Variants in SART3 observed in about 807,000 individuals in gnomAD.
The protein encoded by SART3 is spliceosome associated factor 3, U4/U6 recycling protein, also known as HIV-1 Tat-interacting protein of 110kDa.
Under a neutral mutation model 122.3 loss-of-function variants are expected in SART3, and 44 were observed. That is an observed-to-expected ratio of 0.36 (90% confidence interval 0.28 to 0.46). The LOEUF (loss-of-function observed/expected upper bound fraction) is 0.46, where lower values mean the gene tolerates loss of function less well. Among genes scored for constraint, SART3 ranks in the 20% least tolerant of loss-of-function variants. The probability of loss-of-function intolerance (pLI) is 1.00; values close to 1 mark genes in which losing one functional copy is unlikely to be tolerated. For synonymous variants in SART3, 442 were observed against 454.0 expected (o/e 0.97, Z 0.34); for missense variants, 1,101 against 1,229.0 (o/e 0.90, Z 1.56).
intron 12 of SART3, 57 bp downstream of exon 12, chr12:108,535,302 G>A (rs778320201): frequency 7.2e-7 from 1 of 1,390,500 alleles, no homozygotes; most frequent in African/African-American, 1.4e-5. Flanking sequence ...AGCCAGGAGT[G>A]AAGACAGGTG....
intron 7 of SART3, 102 bp from the exon 8 acceptor site, chr12:108,538,305 T>C: frequency 7.4e-7 from 1 of 1,360,130 alleles, no homozygotes; most frequent in South Asian, 1.2e-5. Flanking sequence ...AATGTCCTTA[T>C]AAACATCTCT....
At chr12:108,537,404 T>A (rs765260106) in intron 9 of SART3, 84 bp downstream of exon 9, 17 of 1,004,450 alleles carry the variant, frequency 1.7e-5, no homozygotes, top group Non-Finnish European at 2.5e-5. Context: ...CCAATCACAA[T>A]GTATCTGGGG....
In SART3 at chr12:108,530,853, G is replaced by A. The variant is rs151049970; in HGVS notation, c.1746+351C>T. Among the ~76,000 whole-genome samples, 235 of 146,698 alleles carry A rather than the reference G, an allele frequency of 1.6e-3. 1 individual carries two copies. In the Middle Eastern group the frequency reaches 0.027, roughly 17 times the overall value. ...AGCCTGGGCAACAGAGCGAGACTCCGTCTCAAAAAAAAAAAAATCCATAAA... is the reference window on the plus strand; with the variant it reads ...AGCCTGGGCAACAGAGCGAGACTCCATCTCAAAAAAAAAAAAATCCATAAA... On this transcript the variant is annotated intron_variant, in intron 14 of 18. Transcript: ENST00000546815.
At chr12:108,544,932 C>T (rs915190899) in intron 4 of SART3, 10 of 631,070 alleles carry the variant, frequency 1.6e-5, no homozygotes, top group South Asian at 5.7e-5. Flanking sequence ...AAAATTTATA[C>T]GACCTCTTCC....
At chr12:108,549,459 T>C in intron 1 of SART3, 1 of 476,130 alleles carries the variant, frequency 2.1e-6, no homozygotes, top group Admixed American at 3.5e-5. Context: ...ATTTGGGTTC[T>C]CTTGGAAATA....
intron 14 of SART3, 152 bp from the exon 15 acceptor site, chr12:108,530,462 C>T: frequency 1.2e-6 from 1 of 834,658 alleles, no homozygotes; most frequent in Non-Finnish European, 2.0e-6. Flanking sequence ...CTGTTCCACA[C>T]CAGGGCTCAT....
In SART3 at chr12:108,560,972, G is replaced by A. The variant is rs766290811; in HGVS notation, c.183C>T (p.Gly61=). The A allele has an allele frequency of 4.3e-6, 7 of 1,614,034 alleles. No homozygotes were observed. Among genetic ancestry groups the A allele is most frequent in the Middle Eastern group, 3.3e-4 (2 of 6,062 alleles). Residue 61 remains glycine, a synonymous_variant, in exon 1 of 19, where the codon GGC becomes GGT. Transcript: ENST00000546815. ...ACTCATCCCCATCGCTCTCGCTCAC[G>A]CCTTCCTCCTGCTGATCCCACGCTG... The part of the protein sequence containing the change: ...MGPAWDQQEE[G]VSESDGDEYA...
At chr12:108,550,551 C>T (rs1240443656) in intron 1 of SART3, among the ~76,000 whole-genome samples, 2 of 152,096 alleles carry the variant, frequency 1.3e-5, no homozygotes, top group Non-Finnish European at 2.9e-5. Flanking sequence ...AAAGCAATTA[C>T]ACTAAAAATC....
At chr12:108,537,010 C>T (rs1872936845) in intron 9 of SART3, 2 of 552,602 alleles carry the variant, frequency 3.6e-6, no homozygotes, top group Admixed American at 2.9e-5. Context: ...ACACAGGGTG[C>T]TGTGGGGGGG....
chr12:108,530,069 G>T lies in SART3; in HGVS notation c.1915+73C>A, dbSNP rs896238482. ...AGCTGGTAACGGTTCAGGGAAGAAA[G>T]TTCTTCATACTGTATTCGCAACTTC... is the stretch of plus-strand genomic sequence containing the variant. On this transcript the variant is annotated intron_variant, in intron 15 of 18. Coordinates refer to ENST00000546815, the MANE Select transcript of SART3 (RefSeq NM_014706.4). 4 of 1,547,794 alleles carry T rather than the reference G, an allele frequency of 2.6e-6. No homozygotes were observed. In the African/African-American group the frequency reaches 5.4e-5, roughly 21 times the overall value.
intron 15 of SART3, among the ~76,000 whole-genome samples, chr12:108,528,220 T>C (rs1872483029): frequency 6.6e-6 from 1 of 152,142 alleles, no homozygotes; most frequent in African/African-American, 2.4e-5. Context: ...CAGTGTCTCA[T>C]GCCTGTAATA....
At chr12:108,532,417 G>C (rs1872719833) in intron 12 of SART3, 83 bp from the exon 13 acceptor site, 1 of 1,082,022 alleles carries the variant, frequency 9.2e-7, no homozygotes, top group African/African-American at 1.5e-5. Context: ...CTCCCAGGTA[G>C]AAACTCACTC....
At chr12:108,535,742 TTTA>T (rs1314329476) in intron 11 of SART3, among the ~76,000 whole-genome samples, 22 of 151,614 alleles carry the variant, frequency 1.5e-4, no homozygotes, top group African/African-American at 5.3e-4. Flanking sequence ...AGTCACGTTT[TTTA>T]TTTTTATCAA....
intron 1 of SART3, chr12:108,554,318 CAT>C (rs1278426815): frequency 6.6e-6 from 1 of 152,128 alleles, no homozygotes; most frequent in Non-Finnish European, 1.5e-5. Flanking sequence ...CAATAAATTA[CAT>C]GTCAATCTCA....
In SART3 at chr12:108,535,260, T is replaced by G; in HGVS notation, c.1556+99A>C. 1.6e-5 allele frequency: 14 copies of G among 902,288 alleles called. No individual in the cohort carries two copies. The South Asian group carries it at 1.8e-4, about 12-fold the overall frequency. 55.9% of individuals were successfully genotyped at this position (902,288 alleles called of 1,614,324 possible). ...GACAGAATGAAAGAAAACAGCCCAG[T>G]TCTAAGGAGCTAGTCCAAGCTGGTA... On this transcript the variant is annotated intron_variant, in intron 12 of 18. Coordinates refer to ENST00000546815, the MANE Select transcript of SART3 (RefSeq NM_014706.4).
intron 12 of SART3, among the ~76,000 whole-genome samples, chr12:108,534,142 C>A (rs764509803): frequency 6.6e-6 from 1 of 152,022 alleles, no homozygotes; most frequent in African/African-American, 2.4e-5. Context: ...AAAACAGTCA[C>A]TGCTCAAAAA....
chr12:108,538,933 CTAGG>C lies in SART3; in HGVS notation c.1059_1062del (p.Tyr353Ter), dbSNP rs770891154. The C allele has an allele frequency of 3.7e-6, 6 of 1,614,042 alleles. No homozygotes were observed. On this transcript the variant is annotated frameshift_variant and splice_region_variant, in exon 7 of 19. Coordinates refer to ENST00000546815, the MANE Select transcript of SART3 (RefSeq NM_014706.4). LOFTEE classifies it high-confidence loss of function. The stretch of plus-strand genomic sequence containing the variant: ...AAATGAAATTAGAACAGTGATCTTA[CTAGG>C]TACTGACTGTAACGGATCCATAAGT...
At chr12:108,540,936 A>G (rs1873131135) in intron 6 of SART3, among the ~76,000 whole-genome samples, 1 of 152,192 alleles carries the variant, frequency 6.6e-6, no homozygotes, top group African/African-American at 2.4e-5. Flanking sequence ...TCAAAAATCA[A>G]TCCCAGGTGG....
At position 108,559,039 on chromosome 12, in the gene SART3, G is replaced by GAAAAAA. The variant is rs747479698; in HGVS notation, c.312+1798_312+1803dup. ...CAGAGCAAGACTCCGTCTCAAAAAA[G>GAAAAAA]AAAAAAAAAAAAAAAAAAAAAAGTA... On this transcript the variant is annotated intron_variant, in intron 1 of 18. Coordinates refer to ENST00000546815, the MANE Select transcript of SART3 (RefSeq NM_014706.4). 9.1e-4 allele frequency among the ~76,000 whole-genome samples: 95 copies of GAAAAAA among 103,936 alleles called. 2 individuals carry two copies. Among genetic ancestry groups the GAAAAAA allele is most frequent in the Non-Finnish European group, 1.1e-3 (61 of 55,608 alleles). The allele number at this position is 103,936 out of a possible 152,430, so 68.2% of individuals were successfully genotyped here.
Sources: allele counts gnomAD v4.1 joint callset (sites outside exome capture counted in the v4.1 genomes callset), GRCh38; gene constraint gnomAD v4.1.1; transcripts MANE v1.5; gene names NCBI Gene and HGNC (gene_info 2026-07-23, HGNC 2026-07-21).